TMEM101: variants seen among roughly 807,000 people sequenced by gnomAD.
TMEM101 encodes transmembrane protein 101.
In TMEM101, 14 loss-of-function variants were observed where a neutral mutation model predicts 26.0. The observed-to-expected ratio is 0.54, with a 90% CI of 0.36 to 0.84. The LOEUF (loss-of-function observed/expected upper bound fraction) is 0.84. Among genes scored for constraint, TMEM101 ranks in the 40% least tolerant of loss-of-function variants. The probability of loss-of-function intolerance (pLI) is 0.01; values close to 1 mark genes in which losing one functional copy is unlikely to be tolerated. For synonymous variants in TMEM101, 152 were observed against 145.1 expected, an observed-to-expected ratio of 1.05 and a Z score of -0.34; for missense variants, 292 against 345.1, an observed-to-expected ratio of 0.85 and a Z score of 1.22.
At chr17:44,015,034 G>C, upstream of TMEM101, 3 of 1,499,768 alleles carry the variant, frequency 2.0e-6, no homozygotes, top group Admixed American at 2.4e-5. Flanking sequence ...TCCGGGTCAA[G>C]CGCTTTTTCT....
Position 44,020,171 on chromosome 17 carries a change from T to C in TMEM101, c.-210+1151A>G, listed in dbSNP as rs183946598. Among the ~76,000 whole-genome samples the C allele has an allele frequency of 4.3e-3, 655 of 152,220 alleles. 9 individuals are homozygous for C. The highest frequency in any genetic ancestry group is 0.015 in the African/African-American group (634 of 41,508). ...TCATAACCAGCAATGTTTGTAAGCA[T>C]CTAGATTACTGGGGAGAGAAATATT... On this transcript the variant is annotated intron_variant, in intron 2 of 4. Transcript: ENST00000585950.
Position 44,013,162 on chromosome 17 carries a change from C to T in TMEM101, c.319-7G>A, listed in dbSNP as rs1194003053. The T allele has an allele frequency of 3.0e-5, 47 of 1,544,452 alleles. No individual in the cohort carries two copies. The highest frequency in any genetic ancestry group is 4.0e-5 in the Non-Finnish European group (45 of 1,134,268). On this transcript the variant is annotated splice_polypyrimidine_tract_variant and splice_region_variant and intron_variant, in intron 2 of 3. Transcript: ENST00000206380. Reference sequence around the variant, plus strand: ...TGCGCGAGTACATACGGACCTAGGCCGGGGTAAGGGGACCCCAGTCAAGAA... The same window carrying T: ...TGCGCGAGTACATACGGACCTAGGCTGGGGTAAGGGGACCCCAGTCAAGAA...
chr17:44,021,213 C>CA (rs1239728875), intron 2 of TMEM101: 1 of 152,176 alleles, frequency 6.6e-6, no homozygotes, highest in African/African-American at 2.4e-5. Flanking sequence ...ATACCACTAA[C>CA]AATTGAGCAA....
intron 2 of TMEM101, among the ~76,000 whole-genome samples, chr17:44,020,634 G>A (rs228786): frequency 0.93 from 141,003 of 152,264 alleles, 65,311 homozygotes; most frequent in East Asian, 1. Flanking sequence ...AGGCAGGAGA[G>A]TCGCTTGAAC....
intron 2 of TMEM101, among the ~76,000 whole-genome samples, chr17:44,021,069 G>A (rs1388288953): frequency 2.0e-5 from 3 of 152,210 alleles, no homozygotes; most frequent in South Asian, 4.1e-4. Context: ...AGCAGTCTTA[G>A]GGGCAGGATC....
At chr17:44,019,862 A>C (rs1597874328), upstream of TMEM101, among the ~76,000 whole-genome samples, 1 of 152,190 alleles carries the variant, frequency 6.6e-6, no homozygotes, top group Non-Finnish European at 1.5e-5. Context: ...AAGGAGATTC[A>C]TATTGTGAGA....
rs375903150 is a variant in TMEM101 at position 44,014,390 on chromosome 17, G to T, written c.285C>A (p.Ile95=). 72 of 1,554,370 alleles carry T rather than the reference G, an allele frequency of 4.6e-5. No individual in the cohort carries two copies. Among genetic ancestry groups the T allele is most frequent in the Non-Finnish European group, 5.8e-5 (67 of 1,148,506 alleles). The change falls in exon 2 of 4, where the codon ATC becomes ATA. Residue 95 remains isoleucine, a synonymous_variant. Transcript: ENST00000206380. ...AGTCCCCGTAGTGGACGTAGCCCCC[G>T]ATGTAGGCGGCGTAGGTGCTAATGG... ...QLAISTYAAY[I]GGYVHYGDWL... is the part of the protein sequence containing the mutation.
upstream of TMEM101, among the ~76,000 whole-genome samples, chr17:44,015,410 T>G (rs1291322414): frequency 6.6e-6 from 1 of 152,180 alleles, no homozygotes; most frequent in Non-Finnish European, 1.5e-5. Context: ...TGTTTTGTTT[T>G]TGAGACGGAG....
upstream of TMEM101, among the ~76,000 whole-genome samples, chr17:44,016,906 G>A (rs1192304056): frequency 1.3e-5 from 2 of 150,402 alleles, no homozygotes; most frequent in East Asian, 2.0e-4. Flanking sequence ...AGGCCGAGTC[G>A]GGTGGATCAC....
upstream of TMEM101, among the ~76,000 whole-genome samples, chr17:44,016,148 T>C (rs1382535550): frequency 6.6e-6 from 1 of 151,968 alleles, no homozygotes; most frequent in Non-Finnish European, 1.5e-5. Context: ...CACACACATA[T>C]ATATATATCT....
intron 3 of TMEM101, chr17:44,012,772 G>A: frequency 4.6e-6 from 2 of 434,972 alleles, no homozygotes; most frequent in Non-Finnish European, 8.1e-6. Context: ...GGCTCTCAGG[G>A]TTGAAATTTA....
intron 1 of TMEM101, among the ~76,000 whole-genome samples, chr17:44,022,139 A>C (rs1335553538): frequency 1.3e-5 from 2 of 152,262 alleles, no homozygotes; most frequent in Admixed American, 6.5e-5. Flanking sequence ...AATCCAAACA[A>C]GCCAATTTCT....
intron 1 of TMEM101, 29 bp from the exon 2 acceptor site, chr17:44,014,566 G>C: frequency 6.4e-7 from 1 of 1,566,018 alleles, no homozygotes; most frequent in Non-Finnish European, 8.7e-7. Context: ...GAAGCAACGA[G>C]GACAGAATGA....
At chr17:44,019,891 A>G (rs759251204), upstream of TMEM101, among the ~76,000 whole-genome samples, 1 of 152,246 alleles carries the variant, frequency 6.6e-6, no homozygotes, top group African/African-American at 2.4e-5. Flanking sequence ...GGATATACAC[A>G]TAACATTCAG....
upstream of TMEM101, chr17:44,015,086 T>A (rs953858873): frequency 9.3e-6 from 12 of 1,284,930 alleles, no homozygotes; most frequent in African/African-American, 1.6e-4. Context: ...TAGTTCCGGA[T>A]CTAAGGTGAC....
In TMEM101 at chr17:44,013,141, C is replaced by A. The variant is rs773416678; in HGVS notation, c.333G>T (p.Ser111=). The A allele has an allele frequency of 1.9e-6, 3 of 1,593,032 alleles. No individual in the cohort carries two copies. The highest frequency in any genetic ancestry group is 2.6e-6 in the Non-Finnish European group (3 of 1,165,100). Residue 111 remains serine (S), a synonymous_variant, in exon 3 of 4, where the codon TCG becomes TCT. Coordinates refer to ENST00000206380, the MANE Select transcript of TMEM101 (RefSeq NM_032376.4). ...AGCCGCCGATGATGGCAACTGTGCG[C>A]GAGTACATACGGACCTAGGCCGGGG... The part of the protein sequence containing the change: ...YGDWLKVRMY[S]RTVAIIGGFL...
chr17:44,013,756 T>C (rs899728278), intron 2 of TMEM101, among the ~76,000 whole-genome samples: 17 of 152,204 alleles, frequency 1.1e-4, no homozygotes, highest in Non-Finnish European at 2.1e-4. Flanking sequence ...CTCTCAGATC[T>C]GTAGACTCTA....
At chr17:44,021,993 G>C (rs944132356) in intron 1 of TMEM101, among the ~76,000 whole-genome samples, 2 of 152,106 alleles carry the variant, frequency 1.3e-5, no homozygotes, top group African/African-American at 4.8e-5. Flanking sequence ...ACAGATCTAG[G>C]GTCAGTTGCA....
Position 44,012,918 on chromosome 17 carries a change from G to A in TMEM101, c.465+91C>T, listed in dbSNP as rs140215896. 3.4e-4 allele frequency: 473 copies of A among 1,383,016 alleles called. 3 individuals carry two copies. The East Asian group carries it at 0.011, about 32-fold the overall frequency. 85.7% of individuals were successfully genotyped at this position (1,383,016 alleles called of 1,614,324 possible). On this transcript the variant is annotated intron_variant, in intron 3 of 3. Transcript: ENST00000206380. ...CATCAGGAACTGCACTCAGGGCCTC[G>A]TTCTGTGTCTACCTTCCTGGGGTTC...
Sources: gnomAD v4.1 joint callset for allele counts (sites outside exome capture counted in the v4.1 genomes callset) on GRCh38, gnomAD v4.1.1 for gene constraint, MANE v1.5 for transcripts, NCBI Gene and HGNC (gene_info 2026-07-23, HGNC 2026-07-21) for gene names.